WBP2: variants seen among roughly 807,000 people sequenced by gnomAD.
WBP2 encodes the protein WW domain binding protein 2.
In WBP2, 23 loss-of-function variants were observed where a neutral mutation model predicts 33.0. That is an observed-to-expected ratio of 0.70 (90% CI 0.50 to 0.99). WBP2 has a LOEUF of 0.99. WBP2 is among the 50% of genes least tolerant of loss of function. The probability of loss-of-function intolerance (pLI) is 0.00; values close to 1 mark genes in which losing one functional copy is unlikely to be tolerated. For missense variants in WBP2, 353 were observed against 358.0 expected, an observed-to-expected ratio of 0.99 and a Z score of 0.11; for synonymous variants, 153 against 133.5, an observed-to-expected ratio of 1.15 and a Z score of -1.01.
intron 6 of WBP2, 115 bp from the exon 7 acceptor site, chr17:75,847,099 C>A: frequency 3.5e-6 from 4 of 1,144,048 alleles, no homozygotes; most frequent in Non-Finnish European, 5.1e-6. Context: ...CCAGTTCCAC[C>A]AATGAGAGCA....
intron 1 of WBP2, 80 bp downstream of exon 1, chr17:75,855,159 T>TTCCCCCCCCC: frequency 2.1e-6 from 2 of 964,064 alleles, no homozygotes; most frequent in African/African-American, 2.0e-5. Flanking sequence ...AGGGGCTTAT[T>TTCCCCCCCCC]CCCCACCACC....
chr17:75,847,293 G>C lies in WBP2; in HGVS notation c.655+194C>G, dbSNP rs551853604. The stretch of plus-strand genomic sequence containing the variant: ...CTTCCCCGCCCAGGGCACATGGATA[G>C]CTAAGGGATGGGGGTGGGGCCAGAA... On this transcript the variant is annotated intron_variant, in intron 6 of 7. Transcript: ENST00000254806. 1.5e-5 allele frequency: 14 copies of C among 916,688 alleles called. No homozygotes were observed. The African/African-American group carries it at 2.0e-4, about 13-fold the overall frequency. 56.8% of individuals were successfully genotyped at this position (916,688 alleles called of 1,614,324 possible).
intron 6 of WBP2, 73 bp from the exon 7 acceptor site, chr17:75,847,057 C>T (rs1351565145): frequency 1.7e-5 from 27 of 1,568,246 alleles, no homozygotes; most frequent in Non-Finnish European, 2.3e-5. Flanking sequence ...GACCCCGGGC[C>T]CCCATGGCTC....
chr17:75,854,449 G>A (rs1435709646), intron 1 of WBP2, among the ~76,000 whole-genome samples: 1 of 152,204 alleles, frequency 6.6e-6, no homozygotes, highest in Non-Finnish European at 1.5e-5. Flanking sequence ...AGGATGCAAT[G>A]AGCAAGGGGT....
rs566286633 is a variant in WBP2, at chr17:75,851,438, T to G, written c.168+130A>C. Reference sequence around the variant, plus strand: ...GCATGTGACAGAGAAACAGGCAGAGTGAAGCACTAACACTCACCAGGATTC... The same window carrying G: ...GCATGTGACAGAGAAACAGGCAGAGGGAAGCACTAACACTCACCAGGATTC... On this transcript the variant is annotated intron_variant, in intron 2 of 7. Transcript: ENST00000254806. 2.0e-4 allele frequency: 132 copies of G among 673,622 alleles called. No homozygotes were observed. In the South Asian group the frequency reaches 2.0e-3, roughly 10 times the overall value. 41.7% of individuals were successfully genotyped at this position (673,622 alleles called of 1,614,324 possible). A position where few individuals can be genotyped will look rare whatever the true frequency, so the allele number is the denominator to read the frequency against.
At position 75,847,372 on chromosome 17, in the gene WBP2, G is replaced by C. The variant is rs1265019044; in HGVS notation, c.655+115C>G. The C allele has an allele frequency of 3.3e-6, 5 of 1,492,578 alleles. No individual in the cohort carries two copies. The East Asian group carries it at 1.2e-4, about 37-fold the overall frequency. The allele number at this position is 1,492,578 out of a possible 1,614,324, so 92.5% of individuals were successfully genotyped here. The stretch of plus-strand genomic sequence containing the variant: ...CTGCTGGGCCCCTGGGGTAGTCCAG[G>C]GGTCATCCATCATCTGCGGCTCTCA... On this transcript the variant is annotated intron_variant, in intron 6 of 7. Transcript: ENST00000254806.
chr17:75,849,975 TC>T (rs2065017870), intron 2 of WBP2, among the ~76,000 whole-genome samples: 1 of 152,106 alleles, frequency 6.6e-6, no homozygotes, highest in South Asian at 2.1e-4. Flanking sequence ...ACAGATAGTA[TC>T]TATGAGCAGG....
intron 1 of WBP2, chr17:75,852,838 C>T (rs1486586346): frequency 1.3e-5 from 13 of 975,920 alleles, no homozygotes; most frequent in Non-Finnish European, 1.6e-5. Context: ...ATAAACATGT[C>T]TAAGAGATGA....
chr17:75,846,980 T>C lies in WBP2; in HGVS notation c.660A>G (p.Glu220=). ...GPDVPSTPAA[E]AKAAEAAASA... ...TGGCGGCTGCTTCTGCGGCCTTGGC[T>C]TCGGCTGTGAGAGCAAACACACCTG... is the stretch of plus-strand genomic sequence containing the variant. Residue 220 remains glutamate, a synonymous_variant, in exon 7 of 8, where the codon GAA becomes GAG. Transcript: ENST00000254806. The surrounding 1 kb of genome is among the most constrained non-coding windows in gnomAD (Gnocchi z 4.8). 6.2e-7 allele frequency: 1 copy of C among 1,614,100 alleles called. No individual in the cohort carries two copies. The highest frequency in any genetic ancestry group is 8.5e-7 in the Non-Finnish European group (1 of 1,179,994).
At chr17:75,851,419 G>T (rs182732454) in intron 2 of WBP2, 149 bp downstream of exon 2, 2 of 625,040 alleles carry the variant, frequency 3.2e-6, no homozygotes, top group Admixed American at 2.4e-5. Flanking sequence ...AGGAGCATGT[G>T]ACAGAGAAAC....
In WBP2 at chr17:75,846,660, C is replaced by T; in HGVS notation, c.*74G>A. 2.0e-6 allele frequency: 3 copies of T among 1,492,984 alleles called. No homozygotes were observed. The highest frequency in any genetic ancestry group is 2.7e-6 in the Non-Finnish European group (3 of 1,105,762). 92.5% of individuals were successfully genotyped at this position (1,492,984 alleles called of 1,614,324 possible). A position where few individuals can be genotyped will look rare whatever the true frequency, so the allele number is the denominator to read the frequency against. ...GAGAACAAGGCGCCCCCTCCCCTCCCCAAGCCCCAGCACAGCCCCGATGGG... is the reference window on the plus strand; with the variant it reads ...GAGAACAAGGCGCCCCCTCCCCTCCTCAAGCCCCAGCACAGCCCCGATGGG... On this transcript the variant is annotated 3_prime_UTR_variant, in exon 8 of 8. Transcript: ENST00000254806. The surrounding 1 kb of genome is among the most constrained non-coding windows in gnomAD (Gnocchi z 4.8).
chr17:75,853,817 G>C (rs2143934460), intron 1 of WBP2, among the ~76,000 whole-genome samples: 1 of 152,202 alleles, frequency 6.6e-6, no homozygotes, highest in East Asian at 1.9e-4. Context: ...AGGCCGAGGA[G>C]GGTGGATCAC....
chr17:75,847,690 C>G, intron 5 of WBP2, 81 bp from the exon 6 acceptor site: 1 of 1,592,568 alleles, frequency 6.3e-7, no homozygotes, highest in Non-Finnish European at 8.6e-7. Context: ...TCTCCAGCTC[C>G]TTCGTTGGTC....
rs1489463775 is a variant in WBP2 at position 75,851,582 on chromosome 17, G to A, written c.154C>T (p.Leu52Phe). ...FKGTKKGTVY[L>F]TPYRVIFLSK... is the part of the protein sequence containing the mutation. Reference sequence around the variant, plus strand: ...GTGCAACTCACCCGGTAAGGGGTAAGGTAGACAGTGCCTTTCTTGGTCCCT... The same window carrying A: ...GTGCAACTCACCCGGTAAGGGGTAAAGTAGACAGTGCCTTTCTTGGTCCCT... The change falls in exon 2 of 8, where the codon CTT becomes TTT. Residue 52 changes from leucine (L) to phenylalanine (F), a missense_variant. Transcript: ENST00000254806. The A allele has an allele frequency of 2.5e-6, 4 of 1,613,380 alleles. No homozygotes were observed. The Admixed American group carries it at 6.7e-5, about 27-fold the overall frequency.
intron 3 of WBP2, 109 bp downstream of exon 3, chr17:75,849,495 T>C (rs918146497): frequency 5.6e-6 from 8 of 1,422,746 alleles, no homozygotes; most frequent in East Asian, 2.3e-5. Context: ...GAAGAGGTCA[T>C]GGCTAGGGCG....
At position 75,845,828 on chromosome 17, in the gene WBP2, TCTC is replaced by T. The variant is rs2064986248; in HGVS notation, c.*903_*905del. The T allele has an allele frequency of 6.6e-6, 1 of 152,494 alleles. No individual in the cohort carries two copies. Among genetic ancestry groups the T allele is most frequent in the Non-Finnish European group, 1.5e-5 (1 of 68,056 alleles). The allele number at this position is 152,494 out of a possible 1,614,324, so 9.4% of individuals were successfully genotyped here. ...ATAGGGAATTCTCTTTAAATAACCA[TCTC>T]CTCACTTCATGGCCAGTCCAGGGAC... On this transcript the variant is annotated 3_prime_UTR_variant, in exon 8 of 8. Transcript: ENST00000254806.
intron 1 of WBP2, among the ~76,000 whole-genome samples, chr17:75,854,019 T>C (rs1599426225): frequency 1.6e-5 from 2 of 121,280 alleles, no homozygotes; most frequent in Admixed American, 1.1e-4. Context: ...CACTCCAGCC[T>C]GGGCGACAGA....
intron 1 of WBP2, chr17:75,852,396 A>AAGAGGCCATCATCCCTCAAGCAAGTT: frequency 6.6e-6 from 1 of 152,104 alleles, no homozygotes; most frequent in South Asian, 2.1e-4. Context: ...CAGGGCTCTG[A>AAGAGGCCATCATCCCTCAAGCAAGTT]AGAGGCCATC....
chr17:75,848,742 G>A (rs1047989581), intron 3 of WBP2, 80 bp from the exon 4 acceptor site: 1 of 1,317,922 alleles, frequency 7.6e-7, no homozygotes, highest in Non-Finnish European at 1.1e-6. Context: ...TCCTCTCCAG[G>A]ACTTCATCCA....
Sources: gnomAD v4.1 joint callset for allele counts (sites outside exome capture counted in the v4.1 genomes callset) on GRCh38, gnomAD v4.1.1 for gene constraint, Gnocchi (gnomAD v3.1) non-coding constraint, MANE v1.5 for transcripts, NCBI Gene and HGNC (gene_info 2026-07-23, HGNC 2026-07-21) for gene names.